Variants in MED27 observed in about 807,000 individuals in gnomAD.
MED27 encodes mediator complex subunit 27, also known as mediator of RNA polymerase II transcription subunit 27.
A neutral mutation model predicts 38.2 loss-of-function variants in MED27; 30 were observed. That is an observed-to-expected ratio of 0.79 (90% CI 0.59 to 1.07). The LOEUF is 1.07. Ranked by LOEUF, MED27 falls within the 50% of genes least tolerant of loss-of-function variation. The pLI is 0.00. For missense variants in MED27, 289 were observed against 397.5 expected (o/e 0.73, Z 2.32); for synonymous variants, 122 against 153.5 (o/e 0.79, Z 1.52).
At chr9:131,945,274 C>T (rs963107202) in intron 3 of MED27, among the ~76,000 whole-genome samples, 8 of 151,322 alleles carry the variant, frequency 5.3e-5, no homozygotes, top group East Asian at 1.9e-4. Flanking sequence ...GTGATAGAGC[C>T]GCAGGCTAGT....
At position 131,950,356 on chromosome 9, in the gene MED27, G is replaced by C. The variant is rs73553069; in HGVS notation, c.480-10882C>G. On this transcript the variant is annotated intron_variant, in intron 3 of 7. Coordinates refer to ENST00000292035, the MANE Select transcript of MED27 (RefSeq NM_004269.4). ...GGCAGACATTCAACCAGGAGCTGGC[G>C]AGGGCAGATGATGCCTGCCTTCCCA... is the stretch of plus-strand genomic sequence containing the variant. Among the ~76,000 whole-genome samples the C allele has an allele frequency of 8.3e-3, 1,265 of 152,248 alleles. 22 individuals are homozygous for C. Among genetic ancestry groups the C allele is most frequent in the African/African-American group, 0.027 (1,132 of 41,534 alleles).
intron 4 of MED27, among the ~76,000 whole-genome samples, chr9:131,927,659 C>T (rs1450821596): frequency 2.0e-5 from 3 of 152,166 alleles, no homozygotes; most frequent in African/African-American, 7.2e-5. Flanking sequence ...GGTGACTACT[C>T]CTAAGGTTCT....
Position 131,913,495 on chromosome 9 carries a change from T to C in MED27, c.574-19503A>G, listed in dbSNP as rs1830228076. On this transcript the variant is annotated intron_variant, in intron 4 of 7. Transcript: ENST00000292035. The surrounding 1 kb of genome is among the most constrained non-coding windows in gnomAD (Gnocchi z 4.5). The stretch of plus-strand genomic sequence containing the variant: ...TAGAGTCCTGAGCACACAGTAGGCA[T>C]ATTAAGTGGTAGCAGTCATCAGAAT... Among the ~76,000 whole-genome samples, 1 of 152,152 alleles carries C rather than the reference T, an allele frequency of 6.6e-6. No individual in the cohort carries two copies. Among genetic ancestry groups the C allele is most frequent in the Admixed American group, 6.5e-5 (1 of 15,282 alleles).
chr9:132,009,231 A>G (rs935295076), intron 3 of MED27, among the ~76,000 whole-genome samples: 1 of 152,232 alleles, frequency 6.6e-6, no homozygotes, highest in Non-Finnish European at 1.5e-5. Context: ...TACTGAATAA[A>G]TAAGTGAATG....
chr9:131,919,558 C>T (rs1830352872), intron 4 of MED27, among the ~76,000 whole-genome samples: 4 of 152,112 alleles, frequency 2.6e-5, no homozygotes, highest in African/African-American at 9.7e-5. Context: ...GCTTGAGCCT[C>T]TTCAAGCCTG....
chr9:131,922,212 AAAAG>A (rs1384674327), intron 4 of MED27, among the ~76,000 whole-genome samples: 4 of 151,964 alleles, frequency 2.6e-5, no homozygotes, highest in African/African-American at 2.4e-5. Context: ...TAAAAATAAA[AAAAG>A]AAAGAGCTTT....
chr9:132,010,867 C>T (rs565709689), intron 3 of MED27, among the ~76,000 whole-genome samples: 1 of 152,106 alleles, frequency 6.6e-6, no homozygotes, highest in African/African-American at 2.4e-5. Flanking sequence ...GAACATCACA[C>T]ACCGGGTCCT....
chr9:132,028,493 G>A (rs1242062783), intron 2 of MED27, among the ~76,000 whole-genome samples: 1 of 150,592 alleles, frequency 6.6e-6, no homozygotes, highest in African/African-American at 2.4e-5. Flanking sequence ...AGCCATGGCT[G>A]AATGAACAAA....
chr9:132,025,087 G>A (rs896984183), intron 2 of MED27, among the ~76,000 whole-genome samples: 3 of 151,756 alleles, frequency 2.0e-5, no homozygotes, highest in Non-Finnish European at 1.5e-5. Flanking sequence ...ACAGGACTAC[G>A]GCTTTTCCCC....
At chr9:132,053,352 G>A (rs1380106497) in intron 2 of MED27, among the ~76,000 whole-genome samples, 1 of 152,102 alleles carries the variant, frequency 6.6e-6, no homozygotes, top group East Asian at 1.9e-4. Flanking sequence ...ATGGGGTACG[G>A]AGGTGCTAAT....
chr9:131,989,458 G>T (rs1831925190), intron 3 of MED27, among the ~76,000 whole-genome samples: 1 of 151,392 alleles, frequency 6.6e-6, no homozygotes, highest in Non-Finnish European at 1.5e-5. Context: ...TACCCCCTTT[G>T]TAGGTAAGCT....
At chr9:131,938,409 AG>A (rs1830720690) in intron 4 of MED27, among the ~76,000 whole-genome samples, 1 of 152,236 alleles carries the variant, frequency 6.6e-6, no homozygotes, top group South Asian at 2.1e-4. Flanking sequence ...ATCTGTGTTC[AG>A]GGAAGTATTC....
At chr9:132,046,212 C>CTAATTTCT (rs1833333991) in intron 2 of MED27, among the ~76,000 whole-genome samples, 1 of 152,166 alleles carries the variant, frequency 6.6e-6, no homozygotes, top group Non-Finnish European at 1.5e-5. Flanking sequence ...AACCACACTA[C>CTAATTTCT]TAATTAAGAA....
At chr9:131,940,729 T>C (rs1457874920) in intron 3 of MED27, among the ~76,000 whole-genome samples, 1 of 152,236 alleles carries the variant, frequency 6.6e-6, no homozygotes, top group Non-Finnish European at 1.5e-5. Context: ...TTTTGCCTTT[T>C]CATTTGATTA....
intron 4 of MED27, among the ~76,000 whole-genome samples, chr9:131,930,297 C>T (rs1830561711): frequency 6.6e-6 from 1 of 152,088 alleles, no homozygotes; most frequent in African/African-American, 2.4e-5. Context: ...AGTAGACTAC[C>T]TCAAGGCATT....
intron 2 of MED27, among the ~76,000 whole-genome samples, chr9:132,021,105 T>C (rs1425522975): frequency 6.6e-6 from 1 of 152,220 alleles, no homozygotes; most frequent in East Asian, 1.9e-4. Flanking sequence ...TCCCTACATA[T>C]TAGTGCTCAA....
chr9:132,052,129 A>G (rs1833477663), intron 2 of MED27, among the ~76,000 whole-genome samples: 1 of 152,110 alleles, frequency 6.6e-6, no homozygotes, highest in Non-Finnish European at 1.5e-5. Flanking sequence ...GGGAACACCA[A>G]GGGGGAAAAC....
intron 4 of MED27, among the ~76,000 whole-genome samples, chr9:131,912,921 T>C (rs1442745939): frequency 1.3e-5 from 2 of 152,210 alleles, no homozygotes; most frequent in Non-Finnish European, 2.9e-5. Context: ...TGGAACAAGA[T>C]GTAAAAGTTA....
intron 3 of MED27, among the ~76,000 whole-genome samples, chr9:131,969,142 C>T (rs1337484124): frequency 1.3e-5 from 2 of 152,024 alleles, no homozygotes; most frequent in Non-Finnish European, 2.9e-5. Flanking sequence ...ATGAACGTAA[C>T]GTGCTTGAAT....
Sources: allele counts gnomAD v4.1 joint callset (sites outside exome capture counted in the v4.1 genomes callset), GRCh38; gene constraint gnomAD v4.1.1; non-coding constraint Gnocchi (gnomAD v3.1); transcripts MANE v1.5; gene names NCBI Gene and HGNC (gene_info 2026-07-23, HGNC 2026-07-21).